The following FGF22 variants were observed in gnomAD, a reference collection of about 807,000 sequenced individuals.
FGF22 encodes the protein fibroblast growth factor 22.
In FGF22, 11 loss-of-function variants were observed where a neutral mutation model predicts 10.3. That is an observed-to-expected ratio of 1.07 (90% CI 0.67 to 1.77). The LOEUF is 1.77. Ranked by LOEUF, FGF22 falls within the 40% of genes most tolerant of loss-of-function variation. The pLI, the probability that FGF22 is intolerant of heterozygous loss-of-function variation, is 0.00. For synonymous variants in FGF22, 136 were observed against 122.1 expected, an observed-to-expected ratio of 1.11 and a Z score of -0.75; for missense variants, 317 against 273.2, an observed-to-expected ratio of 1.16 and a Z score of -1.13.
chr19:643,120 C>CTGGGG (rs11572885), intron 1 of FGF22, 115 bp from the exon 2 acceptor site: 312 of 794,208 alleles, frequency 3.9e-4, no homozygotes, highest in Middle Eastern at 6.6e-4. Context: ...GACTCGTGGT[C>CTGGGG]CCGGGGGTCT....
exon 3 of FGF22, chr19:643,850 AC>A: frequency 2.2e-6 from 1 of 445,442 alleles, no homozygotes; most frequent in Admixed American, 3.8e-5. Flanking sequence ...AAGGACGCAG[AC>A]GTCGAAAGGT....
chr19:641,532 G>A (rs11572865), intron 1 of FGF22: 2,716 of 231,884 alleles, frequency 0.012, 84 homozygotes, highest in African/African-American at 0.062. Flanking sequence ...CTGAGATCGC[G>A]CCACTGCCCT....
At chr19:641,175 C>T (rs755676930) in intron 1 of FGF22, 7 of 456,400 alleles carry the variant, frequency 1.5e-5, no homozygotes, top group South Asian at 3.1e-5. Context: ...TGCTGTGCTC[C>T]GCATGGGGGA....
Position 643,788 on chromosome 19 carries a change from T to A in FGF22, c.*184T>A, listed in dbSNP as rs537038458. 3.7e-4 allele frequency: 223 copies of A among 600,398 alleles called. 1 individual carries two copies. The highest frequency in any genetic ancestry group is 1.9e-3 in the Admixed American group (62 of 32,902). The allele number at this position is 600,398 out of a possible 1,614,324, so 37.2% of individuals were successfully genotyped here. A position where few individuals can be genotyped will look rare whatever the true frequency, so the allele number is the denominator to read the frequency against. Reference sequence around the variant, plus strand: ...GAGGGGGTGGTGGCCACCAAGCAGGTTCAATCCTGAGTTGGGGACCTCGAG... The same window carrying A: ...GAGGGGGTGGTGGCCACCAAGCAGGATCAATCCTGAGTTGGGGACCTCGAG... On this transcript the variant is annotated 3_prime_UTR_variant, in exon 3 of 3. Transcript: ENST00000215530.
intron 1 of FGF22, 55 bp downstream of exon 1, chr19:640,194 C>A: frequency 1.7e-6 from 2 of 1,160,966 alleles, no homozygotes; most frequent in Non-Finnish European, 2.2e-6. Flanking sequence ...GACGGCAACG[C>A]GGCCGCCGTC....
exon 3 of FGF22, chr19:643,722 T>A: frequency 1.1e-6 from 1 of 902,226 alleles, no homozygotes; most frequent in South Asian, 1.8e-5. Flanking sequence ...GTGCGGGCGC[T>A]GTGGACACAG....
chr19:643,844 A>G (rs947226370), exon 3 of FGF22: 3 of 483,394 alleles, frequency 6.2e-6, no homozygotes, highest in African/African-American at 6.1e-5. Context: ...GGGCTGAAGG[A>G]CGCAGACGTC....
At chr19:640,910 G>A (rs1190012153) in intron 1 of FGF22, 4 of 304,190 alleles carry the variant, frequency 1.3e-5, no homozygotes, top group Admixed American at 4.0e-5. Flanking sequence ...TCATCTGGGC[G>A]CCAAGGCCCT....
At position 640,467 on chromosome 19, in the gene FGF22, G is replaced by A. The variant is rs11572854; in HGVS notation, c.214+328G>A. On this transcript the variant is annotated intron_variant, in intron 1 of 2. Transcript: ENST00000215530. ...GGCCCAGCTGCATGGCGGAAGCGGCGGGGGGCTGACCTCCGGACTCCTGAC... is the reference window on the plus strand; with the variant it reads ...GGCCCAGCTGCATGGCGGAAGCGGCAGGGGGCTGACCTCCGGACTCCTGAC... The A allele has an allele frequency of 1.7e-3, 386 of 232,172 alleles. 4 individuals are homozygous for A. The highest frequency in any genetic ancestry group is 8.3e-3 in the African/African-American group (361 of 43,676). 14.4% of individuals were successfully genotyped at this position (232,172 alleles called of 1,614,324 possible).
At chr19:639,899 A>T in exon 1 of FGF22, 1 of 1,199,656 alleles carries the variant, frequency 8.3e-7, no homozygotes, top group Non-Finnish European at 1.0e-6. Context: ...GGGAGCGACG[A>T]GCGCGCAGCG....
chr19:641,086 C>T (rs1343039937), intron 1 of FGF22: 4 of 434,736 alleles, frequency 9.2e-6, no homozygotes, highest in Admixed American at 2.4e-5. Flanking sequence ...CCCAGCTGGA[C>T]GGTGATGGGG....
exon 2 of FGF22, chr19:643,305 G>A (rs373296448): frequency 8.1e-6 from 13 of 1,610,956 alleles, no homozygotes; most frequent in Admixed American, 3.3e-5. Context: ...GCTTCTACGT[G>A]GCCATGAACC....
rs1343502144 is a variant in FGF22, at chr19:643,269, CGTG to C, written c.252_254del (p.Val85del). The C allele has an allele frequency of 1.9e-6, 3 of 1,611,400 alleles. No individual in the cohort carries two copies. In the African/African-American group the frequency reaches 4.0e-5, roughly 22 times the overall value. ...AGATCCGCTCTGTACACGTGGGCGT[CGTG>C]GTCATCAAAGCAGTGTCCTCAGGCT... On this transcript the variant is annotated inframe_deletion, in exon 2 of 3. Transcript: ENST00000215530.
At chr19:640,411 G>A in intron 1 of FGF22, 2 of 322,378 alleles carry the variant, frequency 6.2e-6, no homozygotes, top group Non-Finnish European at 1.1e-5. Flanking sequence ...ATCTGCAGGT[G>A]GGAAACTGAG....
chr19:643,596 G>A (rs778052684), exon 3 of FGF22: 2 of 1,539,454 alleles, frequency 1.3e-6, no homozygotes, highest in Non-Finnish European at 1.7e-6. Context: ...GCCCGTCCTG[G>A]TCTCCTGAGG....
rs757117845 is a variant in FGF22 at position 643,400 on chromosome 19, C to T, written c.319-10C>T. 2 of 1,609,100 alleles carry T rather than the reference C, an allele frequency of 1.2e-6. No homozygotes were observed. Among genetic ancestry groups the T allele is most frequent in the Admixed American group, 1.7e-5 (1 of 59,826 alleles). ...TGGGGAGGGTGGGCCGGCCTCACCC[C>T]CGCCCGCAGCGACTCTACACCGTGG... On this transcript the variant is annotated splice_polypyrimidine_tract_variant and intron_variant, in intron 2 of 2. Transcript: ENST00000215530.
chr19:643,156 G>A (rs1985962526), intron 1 of FGF22, 79 bp from the exon 2 acceptor site: 1 of 333,474 alleles, frequency 3.0e-6, no homozygotes, highest in Non-Finnish European at 4.4e-6. Flanking sequence ...GGTCCTGAGG[G>A]CCCTGCACGA....
intron 1 of FGF22, chr19:641,292 G>T (rs558125328): frequency 5.5e-4 from 248 of 454,880 alleles, no homozygotes; most frequent in Non-Finnish European, 8.3e-4. Context: ...ACAGTGAACG[G>T]TTGGCCGGGT....
chr19:640,218 G>A, intron 1 of FGF22, 79 bp downstream of exon 1: 3 of 1,006,388 alleles, frequency 3.0e-6, no homozygotes, highest in African/African-American at 3.4e-5. Flanking sequence ...ACGGTGACCT[G>A]CGCCCGCGGG....
Sources: allele counts gnomAD v4.1 joint callset, GRCh38; gene constraint gnomAD v4.1.1; transcripts MANE v1.5; gene names NCBI Gene and HGNC (gene_info 2026-07-23, HGNC 2026-07-21).